The following SV2B variants were observed in gnomAD, a reference collection of about 807,000 sequenced individuals.
SV2B encodes the protein solute carrier family 22 member B2.
SV2B carries 41 observed loss-of-function variants against 73.9 expected under a neutral mutation model. The ratio of observed to expected loss-of-function variants is 0.56; its 90% CI spans 0.43 to 0.72. SV2B has a LOEUF of 0.72. Ranked by LOEUF, SV2B falls within the 30% of genes least tolerant of loss-of-function variation. The pLI, the probability that SV2B is intolerant of heterozygous loss-of-function variation, is 0.00. For synonymous variants in SV2B, 314 were observed against 314.2 expected, an observed-to-expected ratio of 1.00 and a Z score of 0.01; for missense variants, 764 against 857.8, an observed-to-expected ratio of 0.89 and a Z score of 1.37.
chr15:91,280,922 T>C lies in SV2B; in HGVS notation c.1374-806T>C, dbSNP rs1233346662. ...GCCCTTTCTTACCTTAATGAGCCTG[T>C]CTTGTAAACTCTATGTTGCATCTTG... On this transcript the variant is annotated intron_variant, in intron 9 of 12. Transcript: ENST00000394232. The surrounding 1 kb of genome is among the most constrained non-coding windows in gnomAD (Gnocchi z 5.8). 6.6e-6 allele frequency among the ~76,000 whole-genome samples: 1 copy of C among 152,254 alleles called. No homozygotes were observed. Among genetic ancestry groups the C allele is most frequent in the Non-Finnish European group, 1.5e-5 (1 of 68,046 alleles).
intron 9 of SV2B, among the ~76,000 whole-genome samples, chr15:91,270,906 A>G (rs1001168916): frequency 3.6e-5 from 5 of 140,560 alleles, no homozygotes; most frequent in Admixed American, 1.4e-4. Flanking sequence ...GAGGACGGTG[A>G]GTCCTGTGGA....
intron 4 of SV2B, among the ~76,000 whole-genome samples, chr15:91,257,468 A>G (rs2047738929): frequency 6.6e-6 from 1 of 152,232 alleles, no homozygotes; most frequent in Admixed American, 6.5e-5. Context: ...TAATTTCTGA[A>G]TATGGGTTTT....
rs2049470353 is a variant in SV2B at position 91,302,426 on chromosome 15, TGAGGGTGGTG to T, written c.*9876_*9885del. ...GTGGTGATGCTGGTTGTCAGAGGGC[TGAGGGTGGTG>T]GCCTTTTGCTAACTGGTATGGAAGC... On this transcript the variant is annotated 3_prime_UTR_variant, in exon 13 of 13. Coordinates refer to ENST00000394232, the MANE Select transcript of SV2B (RefSeq NM_001323032.3). 6.6e-6 allele frequency among the ~76,000 whole-genome samples: 1 copy of T among 152,162 alleles called. No individual in the cohort carries two copies. The highest frequency in any genetic ancestry group is 1.9e-4 in the East Asian group (1 of 5,188).
chr15:91,138,853 C>T (rs748181493), intron 1 of SV2B, among the ~76,000 whole-genome samples: 1 of 152,156 alleles, frequency 6.6e-6, no homozygotes, highest in African/African-American at 2.4e-5. Flanking sequence ...GACAAACTAT[C>T]TGGTTTCATC....
intron 1 of SV2B, among the ~76,000 whole-genome samples, chr15:91,195,705 C>T (rs536626294): frequency 1.3e-5 from 2 of 152,296 alleles, no homozygotes; most frequent in Non-Finnish European, 2.9e-5. Flanking sequence ...GGGTACATTA[C>T]TTAAACCCTC....
chr15:91,169,694 G>A (rs1361339200), intron 1 of SV2B, among the ~76,000 whole-genome samples: 1 of 152,152 alleles, frequency 6.6e-6, no homozygotes, highest in South Asian at 2.1e-4. Context: ...ATCAATGAAC[G>A]AAATAATTTC....
At chr15:91,176,594 G>A (rs932919619) in intron 1 of SV2B, among the ~76,000 whole-genome samples, 44 of 152,108 alleles carry the variant, frequency 2.9e-4, no homozygotes, top group Non-Finnish European at 3.8e-4. Context: ...TAACTGGTGT[G>A]AGATGGTATC....
rs530122197 is a variant in SV2B, at chr15:91,118,798, C to T, written c.-392+18435C>T. 8.5e-5 allele frequency among the ~76,000 whole-genome samples: 13 copies of T among 152,250 alleles called. No homozygotes were observed. The highest frequency in any genetic ancestry group is 1.9e-4 in the East Asian group (1 of 5,202). On this transcript the variant is annotated intron_variant, in intron 1 of 12. Coordinates refer to ENST00000394232, the MANE Select transcript of SV2B (RefSeq NM_001323032.3). This position sits in a 1 kb window ranked among gnomAD's most constrained non-coding sequence, Gnocchi z 4.7. ...ATCATAATAGCTCTTGCTGTGATTA[C>T]GCTTCACTCATTCTTGTTTGAATGA...
chr15:91,280,500 G>A lies in SV2B; in HGVS notation c.1374-1228G>A, dbSNP rs2048650181. Among the ~76,000 whole-genome samples, 1 of 152,216 alleles carries A rather than the reference G, an allele frequency of 6.6e-6. No individual in the cohort carries two copies. The highest frequency in any genetic ancestry group is 2.4e-5 in the African/African-American group (1 of 41,458). ...TAAATATGTAAGTGAATGAATAGAA[G>A]AATGAAAGAAAGTGTTGTAATTATT... On this transcript the variant is annotated intron_variant, in intron 9 of 12. Transcript: ENST00000394232. This position sits in a 1 kb window ranked among gnomAD's most constrained non-coding sequence, Gnocchi z 5.8.
chr15:91,251,666 C>G (rs1379524876), intron 2 of SV2B, among the ~76,000 whole-genome samples, 153 bp from the exon 3 acceptor site: 1 of 152,214 alleles, frequency 6.6e-6, no homozygotes, highest in Non-Finnish European at 1.5e-5. Flanking sequence ...ATAGCACTTC[C>G]AATTTGCCAC....
intron 1 of SV2B, among the ~76,000 whole-genome samples, chr15:91,126,933 A>C (rs146816491): frequency 4.6e-4 from 70 of 152,342 alleles, no homozygotes; most frequent in Non-Finnish European, 5.3e-4. Context: ...CTTTCCCTTC[A>C]AGTTTAGGAA....
At chr15:91,270,927 A>G (rs2048284761) in intron 9 of SV2B, among the ~76,000 whole-genome samples, 1 of 145,594 alleles carries the variant, frequency 6.9e-6, no homozygotes, top group South Asian at 2.2e-4. Flanking sequence ...CGATGGGAGG[A>G]CGGTGAGTCC....
rs1330596603 is a variant in SV2B, at chr15:91,155,106, A to G, written c.-392+54743A>G. On this transcript the variant is annotated intron_variant, in intron 1 of 12. Transcript: ENST00000394232. ...CATCCCTGGGACTCTGATTCTTCCC[A>G]CTCATGGACAACTCTCCTTCCAGCT... Among the ~76,000 whole-genome samples, 4 of 151,816 alleles carry G rather than the reference A, an allele frequency of 2.6e-5. No homozygotes were observed. The East Asian group carries it at 7.7e-4, about 29-fold the overall frequency.
Position 91,109,399 on chromosome 15 carries a change from G to A in SV2B, c.-392+9036G>A, listed in dbSNP as rs981125908. ...TATGTCAACCCCAGGTGATATGTGT[G>A]TGGGCAGGAGCTCTAGGCTCCCAAA... is the stretch of plus-strand genomic sequence containing the variant. On this transcript the variant is annotated intron_variant, in intron 1 of 12. Coordinates refer to ENST00000394232, the MANE Select transcript of SV2B (RefSeq NM_001323032.3). 4.6e-5 allele frequency among the ~76,000 whole-genome samples: 7 copies of A among 152,370 alleles called. No homozygotes were observed. In the East Asian group the frequency reaches 1.3e-3, roughly 29 times the overall value.
At position 91,267,695 on chromosome 15, in the gene SV2B, C is replaced by A; in HGVS notation, c.1208+52C>A. The A allele has an allele frequency of 7.3e-7, 1 of 1,364,184 alleles. No homozygotes were observed. The highest frequency in any genetic ancestry group is 1.0e-6 in the Non-Finnish European group (1 of 967,104). The allele number at this position is 1,364,184 out of a possible 1,614,324, so 84.5% of individuals were successfully genotyped here. A position where few individuals can be genotyped will look rare whatever the true frequency, so the allele number is the denominator to read the frequency against. ...TAATTCCCTGTGCCTCAGTGGCCTCCTTTACACATTGAGGATTACAGTGAG... is the reference window on the plus strand; with the variant it reads ...TAATTCCCTGTGCCTCAGTGGCCTCATTTACACATTGAGGATTACAGTGAG... On this transcript the variant is annotated intron_variant, in intron 8 of 12. Coordinates refer to ENST00000394232, the MANE Select transcript of SV2B (RefSeq NM_001323032.3). The surrounding 1 kb of genome is among the most constrained non-coding windows in gnomAD (Gnocchi z 4.3).
chr15:91,206,849 G>A (rs1422352111), intron 1 of SV2B, among the ~76,000 whole-genome samples: 1 of 152,140 alleles, frequency 6.6e-6, no homozygotes, highest in East Asian at 1.9e-4. Flanking sequence ...GATCAACAGA[G>A]AAGTTTGAAG....
Position 91,240,111 on chromosome 15 carries a change from A to C in SV2B, c.452-11708A>C, listed in dbSNP as rs1013262331. 2.0e-5 allele frequency among the ~76,000 whole-genome samples: 3 copies of C among 152,208 alleles called. No individual in the cohort carries two copies. Among genetic ancestry groups the C allele is most frequent in the Non-Finnish European group, 4.4e-5 (3 of 68,038 alleles). On this transcript the variant is annotated intron_variant, in intron 2 of 12. Transcript: ENST00000394232. The surrounding 1 kb of genome is among the most constrained non-coding windows in gnomAD (Gnocchi z 4.6). ...CAGGGTTCCCTTAGCAAGGAAGAAG[A>C]GGGAAAAGGGCTGTTGGGAACATGA...
At position 91,241,289 on chromosome 15, in the gene SV2B, C is replaced by T. The variant is rs2047001671; in HGVS notation, c.452-10530C>T. Among the ~76,000 whole-genome samples, 2 of 152,200 alleles carry T rather than the reference C, an allele frequency of 1.3e-5. No individual in the cohort carries two copies. Among genetic ancestry groups the T allele is most frequent in the Admixed American group, 1.3e-4 (2 of 15,280 alleles). On this transcript the variant is annotated intron_variant, in intron 2 of 12. Transcript: ENST00000394232. The surrounding 1 kb of genome is among the most constrained non-coding windows in gnomAD (Gnocchi z 4.8). The stretch of plus-strand genomic sequence containing the variant: ...GCGCATCACCAGCTTCCTTGCACCT[C>T]TCTTACTCTGCTGTGTTCCCCACCC...
intron 12 of SV2B, among the ~76,000 whole-genome samples, chr15:91,292,132 A>G (rs2049062545): frequency 6.6e-6 from 1 of 152,204 alleles, no homozygotes; most frequent in Non-Finnish European, 1.5e-5. Context: ...CTTGAAGAAA[A>G]TACTTCAAAA....
Sources: allele counts gnomAD v4.1 joint callset (sites outside exome capture counted in the v4.1 genomes callset), GRCh38; gene constraint gnomAD v4.1.1; non-coding constraint Gnocchi (gnomAD v3.1); transcripts MANE v1.5; gene names NCBI Gene and HGNC (gene_info 2026-07-23, HGNC 2026-07-21).